NXPE3: variants seen among roughly 807,000 people sequenced by gnomAD.
NXPE3 encodes the protein neurexophilin and PC-esterase domain family member 3.
NXPE3 carries 26 observed loss-of-function variants against 46.1 expected under a neutral mutation model. That is an observed-to-expected ratio of 0.56 (90% CI 0.41 to 0.78). The LOEUF (loss-of-function observed/expected upper bound fraction) is 0.78, where lower values mean the gene tolerates loss of function less well. NXPE3 is among the 30% of genes least tolerant of loss of function. NXPE3 has a pLI of 0.00. For missense variants in NXPE3, 620 were observed against 686.0 expected (o/e 0.90, Z 1.07); for synonymous variants, 272 against 257.9 (o/e 1.05, Z -0.52).
chr3:101,794,950 T>A (rs1414966642), intron 4 of NXPE3, among the ~76,000 whole-genome samples: 3 of 152,238 alleles, frequency 2.0e-5, no homozygotes, highest in African/African-American at 7.2e-5. Context: ...GAAAATCAGA[T>A]GCGTCTTTTA....
At chr3:101,783,303 C>T (rs1220279332) in intron 3 of NXPE3, among the ~76,000 whole-genome samples, 5 of 152,166 alleles carry the variant, frequency 3.3e-5, no homozygotes, top group African/African-American at 9.7e-5. Flanking sequence ...CCTTGTGATC[C>T]GCCTGCCTCG....
chr3:101,807,315 T>C (rs980870790), intron 6 of NXPE3, among the ~76,000 whole-genome samples, 189 bp downstream of exon 6: 2 of 152,102 alleles, frequency 1.3e-5, no homozygotes, highest in Non-Finnish European at 2.9e-5. Flanking sequence ...TGCTATTTAT[T>C]GTTATTTTAT....
At position 101,779,271 on chromosome 3, in the gene NXPE3, CG is replaced by C. The variant is rs978376287; in HGVS notation, c.-547del. 2.6e-5 allele frequency: 4 copies of C among 152,372 alleles called. No homozygotes were observed. The highest frequency in any genetic ancestry group is 2.0e-4 in the Admixed American group (3 of 15,282). The allele number at this position is 152,372 out of a possible 1,614,324, so 9.4% of individuals were successfully genotyped here. ...GCGGCCTGGCGCTGCGGCGACCGAC[CG>C]GGGCGTCAGGATCCCTGGCCCCCGG... On this transcript the variant is annotated 5_prime_UTR_variant, in exon 1 of 8. Coordinates refer to ENST00000273347, the MANE Select transcript of NXPE3 (RefSeq NM_145037.4).
At chr3:101,782,374 T>G (rs1433206917) in intron 2 of NXPE3, 84 bp downstream of exon 2, 3 of 152,208 alleles carry the variant, frequency 2.0e-5, no homozygotes, top group African/African-American at 7.2e-5. Flanking sequence ...CCAACACTGT[T>G]GTTCTTACTT....
chr3:101,779,670 G>C (rs1221372028), intron 1 of NXPE3: 3 of 152,618 alleles, frequency 2.0e-5, no homozygotes, highest in South Asian at 2.1e-4. Flanking sequence ...CTCCACTTGC[G>C]GCAACGCCAC....
intron 4 of NXPE3, among the ~76,000 whole-genome samples, chr3:101,797,459 A>G (rs990345727): frequency 7.0e-6 from 1 of 143,460 alleles, no homozygotes; most frequent in African/African-American, 2.6e-5. Flanking sequence ...GTTTTAGGGT[A>G]CATGTGCACA....
intron 4 of NXPE3, among the ~76,000 whole-genome samples, chr3:101,796,481 AGTT>A (rs1940835210): frequency 6.6e-6 from 1 of 152,236 alleles, no homozygotes; most frequent in African/African-American, 2.4e-5. Flanking sequence ...TGTATCAGTC[AGTT>A]GGGCGAGGAA....
chr3:101,822,522 G>A lies in NXPE3; in HGVS notation c.*568G>A, dbSNP rs1054386357. The A allele has an allele frequency of 1.3e-5, 2 of 152,198 alleles. No homozygotes were observed. The highest frequency in any genetic ancestry group is 2.4e-5 in the African/African-American group (1 of 41,400). 9.4% of individuals were successfully genotyped at this position (152,198 alleles called of 1,614,324 possible). On this transcript the variant is annotated 3_prime_UTR_variant, in exon 8 of 8. Coordinates refer to ENST00000273347, the MANE Select transcript of NXPE3 (RefSeq NM_145037.4). ...GAAAAGGCCAATGTGCTTGGTTCGA[G>A]TTTTTTAGTGAATATTTACAATTTC... is the stretch of plus-strand genomic sequence containing the variant.
chr3:101,782,859 G>A (rs1396966819), intron 3 of NXPE3, 79 bp downstream of exon 3: 1 of 152,096 alleles, frequency 6.6e-6, no homozygotes, highest in African/African-American at 2.4e-5. Context: ...TCTTGCCTCA[G>A]CTAGTCTCAA....
chr3:101,818,853 C>T (rs1942118310), intron 7 of NXPE3, among the ~76,000 whole-genome samples: 1 of 140,072 alleles, frequency 7.1e-6, no homozygotes, highest in South Asian at 2.5e-4. Flanking sequence ...AAAACCTCTG[C>T]CTCGCAGGTT....
chr3:101,784,896 C>T (rs1940058678), intron 3 of NXPE3, among the ~76,000 whole-genome samples: 1 of 152,180 alleles, frequency 6.6e-6, no homozygotes, highest in South Asian at 2.1e-4. Context: ...TGTGTCGCGT[C>T]TCCTGCCATA....
chr3:101,799,628 G>C (rs1239698413), intron 4 of NXPE3, among the ~76,000 whole-genome samples: 1 of 152,036 alleles, frequency 6.6e-6, no homozygotes, highest in Non-Finnish European at 1.5e-5. Context: ...GTTTCAGCAT[G>C]TTGGCCAGGC....
chr3:101,801,836 A>G lies in NXPE3; in HGVS notation c.695A>G (p.Asn232Ser), dbSNP rs1941174280. The change falls in exon 5 of 8, where the codon AAT becomes AGT. Residue 232 changes from asparagine to serine, a missense_variant. Physicochemically the swap from Asn to Ser is conservative, Grantham distance 46 (BLOSUM62 1). This residue lies in a region of NXPE3 where 511 missense variants were observed against 528.6 expected (regional missense o/e 0.97). Coordinates refer to ENST00000273347, the MANE Select transcript of NXPE3 (RefSeq NM_145037.4). ...GAGTGCAACGTGTGTCTTCCTGGGAATCTGCCCCTGTGTAACTTTACAGAC... is the reference window on the plus strand; with the variant it reads ...GAGTGCAACGTGTGTCTTCCTGGGAGTCTGCCCCTGTGTAACTTTACAGAC... Reference protein sequence around the residue: ...TTECNVCLPGNLPLCNFTDLY... With the variant: ...TTECNVCLPGSLPLCNFTDLY... 2 of 1,614,002 alleles carry G rather than the reference A, an allele frequency of 1.2e-6. No homozygotes were observed. Among genetic ancestry groups the G allele is most frequent in the African/African-American group, 1.3e-5 (1 of 74,906 alleles).
intron 4 of NXPE3, among the ~76,000 whole-genome samples, chr3:101,787,367 C>T (rs1027176131): frequency 2.0e-5 from 3 of 152,176 alleles, no homozygotes; most frequent in Non-Finnish European, 4.4e-5. Flanking sequence ...AGTGCAATGG[C>T]ACGATCTTGT....
chr3:101,811,256 A>C (rs1486352461), intron 6 of NXPE3, among the ~76,000 whole-genome samples: 1 of 152,116 alleles, frequency 6.6e-6, no homozygotes, highest in Non-Finnish European at 1.5e-5. Flanking sequence ...TGGGTTAATA[A>C]ATGTCTCTTG....
intron 4 of NXPE3, among the ~76,000 whole-genome samples, chr3:101,798,723 G>A (rs969101687): frequency 1.3e-5 from 2 of 150,710 alleles, no homozygotes; most frequent in African/African-American, 2.4e-5. Flanking sequence ...AGCAATTCTC[G>A]TGCTTCAGCC....
chr3:101,802,486 G>A (rs1005787555), intron 5 of NXPE3, among the ~76,000 whole-genome samples: 2 of 151,812 alleles, frequency 1.3e-5, no homozygotes, highest in African/African-American at 4.9e-5. Flanking sequence ...CAAGAACAGG[G>A]CTGGTAGGGC....
At position 101,816,919 on chromosome 3, in the gene NXPE3, G is replaced by A; in HGVS notation, c.1047G>A (p.Glu349=). 2.5e-6 allele frequency: 4 copies of A among 1,614,140 alleles called. No individual in the cohort carries two copies. The South Asian group carries it at 4.4e-5, about 18-fold the overall frequency. ...RQFNDPDNIT[E]CLQRKVVHLF... is the part of the protein sequence containing the mutation. ...TTAATGACCCTGACAACATTACAGAGTGCTTACAAAGAAAAGTGGTGCATT... is the reference window on the plus strand; with the variant it reads ...TTAATGACCCTGACAACATTACAGAATGCTTACAAAGAAAAGTGGTGCATT... Residue 349 remains glutamate (E), a synonymous_variant, in exon 7 of 8, where the codon GAG becomes GAA. Transcript: ENST00000273347.
At chr3:101,808,074 C>A (rs115614338) in intron 6 of NXPE3, among the ~76,000 whole-genome samples, 1,628 of 152,300 alleles carry the variant, frequency 0.011, 17 homozygotes, top group Middle Eastern at 0.031. Flanking sequence ...GATAGAATTG[C>A]AAATTCTCAG....
Sources: gnomAD v4.1 joint callset for allele counts (sites outside exome capture counted in the v4.1 genomes callset) on GRCh38, gnomAD v4.1.1 for gene constraint, gnomAD v4.1.1 regional missense constraint, MANE v1.5 for transcripts, NCBI Gene and HGNC (gene_info 2026-07-23, HGNC 2026-07-21) for gene names.